Variants in NTM observed in about 807,000 individuals in gnomAD.
NTM encodes neurotrimin.
A neutral mutation model predicts 42.1 loss-of-function variants in NTM; 13 were observed. The ratio of observed to expected loss-of-function variants is 0.31; its 90% CI spans 0.20 to 0.49. The LOEUF (loss-of-function observed/expected upper bound fraction) is 0.49, where lower values mean the gene tolerates loss of function less well. Among genes scored for constraint, NTM ranks in the 20% least tolerant of loss-of-function variants. The pLI is 0.99. For missense variants in NTM, 373 were observed against 452.8 expected (o/e 0.82, Z 1.60); for synonymous variants, 187 against 179.2 (o/e 1.04, Z -0.35).
chr11:131,768,078 T>C (rs1475440650), intron 1 of NTM, among the ~76,000 whole-genome samples: 1 of 151,996 alleles, frequency 6.6e-6, no homozygotes, highest in Non-Finnish European at 1.5e-5. Flanking sequence ...AGTTTCAGCC[T>C]TCTGACATCA....
chr11:132,238,229 G>C (rs2089461583), intron 4 of NTM, among the ~76,000 whole-genome samples: 1 of 152,088 alleles, frequency 6.6e-6, no homozygotes, highest in African/African-American at 2.4e-5. Flanking sequence ...GGAGAGGAGA[G>C]GAAAGGTTAC....
chr11:132,279,454 C>T (rs2093879102), intron 4 of NTM, among the ~76,000 whole-genome samples: 2 of 152,212 alleles, frequency 1.3e-5, no homozygotes, highest in South Asian at 2.1e-4. Context: ...GAGTATCCTA[C>T]AGTCCTTTTG....
At chr11:131,980,357 G>T (rs1443469988) in intron 2 of NTM, among the ~76,000 whole-genome samples, 2 of 152,158 alleles carry the variant, frequency 1.3e-5, no homozygotes, top group Admixed American at 6.5e-5. Context: ...CAACCTGGTT[G>T]TGATTATCCC....
intron 7 of NTM, among the ~76,000 whole-genome samples, chr11:132,316,741 C>CCCCATTCCTGTGTGAGATGAGTA (rs1373605968): frequency 1.3e-5 from 2 of 152,152 alleles, no homozygotes; most frequent in Non-Finnish European, 2.9e-5. Context: ...AGCTCGCAAA[C>CCCCATTCCTGTGTGAGATGAGTA]CCCATTCCTG....
At chr11:132,199,026 C>A (rs1033094717) in intron 3 of NTM, among the ~76,000 whole-genome samples, 2 of 152,178 alleles carry the variant, frequency 1.3e-5, no homozygotes, top group Admixed American at 6.5e-5. Context: ...ACATTATCAA[C>A]CAAGGCAGGA....
intron 4 of NTM, among the ~76,000 whole-genome samples, chr11:132,228,869 T>C (rs998732855): frequency 6.6e-5 from 10 of 152,164 alleles, no homozygotes. Flanking sequence ...GCTCATGTTG[T>C]CATGGTTATC....
intron 1 of NTM, among the ~76,000 whole-genome samples, chr11:131,674,609 T>C (rs1419973263): frequency 1.3e-5 from 2 of 152,238 alleles, no homozygotes; most frequent in East Asian, 3.8e-4. Flanking sequence ...ATTGCTATGA[T>C]TGTAGTCTTT....
At chr11:131,653,039 C>T (rs1000415255) in intron 1 of NTM, among the ~76,000 whole-genome samples, 5 of 152,194 alleles carry the variant, frequency 3.3e-5, no homozygotes, top group African/African-American at 1.2e-4. Flanking sequence ...ACAGCCACCC[C>T]GCTATTTGAC....
At chr11:132,304,412 C>CT (rs11443879) in intron 4 of NTM, among the ~76,000 whole-genome samples, 28,880 of 145,922 alleles carry the variant, frequency 0.2, 2,992 homozygotes, top group Middle Eastern at 0.28. Context: ...ACTATGCTTG[C>CT]TTTTTTTTTT....
chr11:131,388,643 C>T (rs555786587), intron 1 of NTM, among the ~76,000 whole-genome samples: 6 of 152,016 alleles, frequency 3.9e-5, no homozygotes, highest in African/African-American at 1.2e-4. Flanking sequence ...AAGAATGCTG[C>T]TCTTTCTGGC....
chr11:131,385,062 G>A (rs913016017), intron 1 of NTM, among the ~76,000 whole-genome samples: 6 of 152,216 alleles, frequency 3.9e-5, no homozygotes, highest in Admixed American at 6.5e-5. Context: ...GCCCCCTGCA[G>A]ATGCTCCTGG....
intron 7 of NTM, among the ~76,000 whole-genome samples, chr11:132,315,892 T>TCTCTCACACAGGGATGATCATAA (rs1565461992): frequency 6.6e-6 from 1 of 152,178 alleles, no homozygotes; most frequent in East Asian, 1.9e-4. Flanking sequence ...GTGTCTGGCA[T>TCTCTCACACAGGGATGATCATAA]CTCTCACACA....
intron 1 of NTM, among the ~76,000 whole-genome samples, chr11:131,641,862 G>T (rs922405759): frequency 2.0e-5 from 3 of 151,974 alleles, no homozygotes; most frequent in South Asian, 4.2e-4. Context: ...CAGTAGCTGG[G>T]ACTACGGGCA....
intron 1 of NTM, chr11:131,878,003 A>G (rs1023157797): frequency 2.6e-5 from 4 of 152,178 alleles, no homozygotes; most frequent in African/African-American, 7.2e-5. Flanking sequence ...ATATTTGTAG[A>G]TGAATTCCTT....
At chr11:132,087,125 AC>A (rs1388941939) in intron 2 of NTM, among the ~76,000 whole-genome samples, 1 of 152,092 alleles carries the variant, frequency 6.6e-6, no homozygotes, top group Non-Finnish European at 1.5e-5. Flanking sequence ...AAAGAAAAAA[AC>A]GTCCTTTTTC....
rs187410922 is a variant in NTM, at chr11:132,226,552, G to T, written c.526+14405G>T. 2.5e-4 allele frequency among the ~76,000 whole-genome samples: 38 copies of T among 152,100 alleles called. No homozygotes were observed. In the East Asian group the frequency reaches 7.0e-3, roughly 28 times the overall value. On this transcript the variant is annotated intron_variant, in intron 4 of 8. Transcript: ENST00000683400. ...CATATCCTTCGCCCACTTTTTGATG[G>T]GGTTGTTTTTTTCTTGTAAATTGGT...
chr11:131,823,371 G>A (rs1031534625), intron 1 of NTM, among the ~76,000 whole-genome samples: 1 of 152,172 alleles, frequency 6.6e-6, no homozygotes, highest in African/African-American at 2.4e-5. Context: ...AGTGGCCGAT[G>A]CAGTAGGTAA....
intron 2 of NTM, among the ~76,000 whole-genome samples, chr11:131,952,134 GACAGCCTAAATGTCCC>G (rs1332552817): frequency 1.3e-5 from 2 of 151,844 alleles, no homozygotes; most frequent in East Asian, 3.9e-4. Flanking sequence ...ACCCCTCAAG[GACAGCCTAAATGTCCC>G]TATCCTCATA....
intron 2 of NTM, among the ~76,000 whole-genome samples, chr11:131,992,131 C>T (rs2067135239): frequency 6.6e-6 from 1 of 152,132 alleles, no homozygotes; most frequent in South Asian, 2.1e-4. Context: ...AGACCAGTTC[C>T]TCCTCTTCCT....
Sources: allele counts gnomAD v4.1 joint callset (sites outside exome capture counted in the v4.1 genomes callset), GRCh38; gene constraint gnomAD v4.1.1; transcripts MANE v1.5; gene names NCBI Gene and HGNC (gene_info 2026-07-23, HGNC 2026-07-21).